SETBP1: variants seen among roughly 807,000 people sequenced by gnomAD.
The protein encoded by SETBP1 is SET-binding protein.
In SETBP1, 9 loss-of-function variants were observed where a neutral mutation model predicts 101.0. That is an observed-to-expected ratio of 0.09 (90% CI 0.05 to 0.16). The LOEUF (loss-of-function observed/expected upper bound fraction) is 0.16. Ranked by LOEUF, SETBP1 falls within the 10% of genes least tolerant of loss-of-function variation. The pLI is 1.00. For synonymous variants in SETBP1, 818 were observed against 788.5 expected, an observed-to-expected ratio of 1.04 and a Z score of -0.63; for missense variants, 1,858 against 2,033.8, an observed-to-expected ratio of 0.91 and a Z score of 1.66.
chr18:44,702,054 A>T (rs1435288778), intron 2 of SETBP1, among the ~76,000 whole-genome samples: 12 of 152,226 alleles, frequency 7.9e-5, no homozygotes, highest in Admixed American at 7.8e-4. Flanking sequence ...TGGTAGTATT[A>T]TCAGTTGATT....
intron 1 of SETBP1, among the ~76,000 whole-genome samples, chr18:44,682,225 C>G (rs539050438): frequency 1.3e-5 from 2 of 152,298 alleles, no homozygotes; most frequent in South Asian, 4.1e-4. Context: ...CCAAACTCAT[C>G]TTCACGTGCA....
chr18:44,888,472 C>T (rs2144770289), intron 3 of SETBP1, among the ~76,000 whole-genome samples: 1 of 152,146 alleles, frequency 6.6e-6, no homozygotes, highest in East Asian at 1.9e-4. Flanking sequence ...TTCCCTCAAG[C>T]CTTATGAATT....
intron 2 of SETBP1, among the ~76,000 whole-genome samples, chr18:44,868,055 T>C (rs1439016546): frequency 6.6e-6 from 1 of 152,242 alleles, no homozygotes; most frequent in East Asian, 1.9e-4. Flanking sequence ...TTTCCCAGCA[T>C]TTATTATAAG....
chr18:44,839,011 G>A (rs1211739305), intron 2 of SETBP1, among the ~76,000 whole-genome samples: 4 of 151,774 alleles, frequency 2.6e-5, no homozygotes, highest in Admixed American at 1.3e-4. Flanking sequence ...ACACTCAACT[G>A]TCGGTTTGAA....
At chr18:45,021,946 AC>A (rs2073079081) in intron 4 of SETBP1, among the ~76,000 whole-genome samples, 1 of 152,232 alleles carries the variant, frequency 6.6e-6, no homozygotes, top group African/African-American at 2.4e-5. Context: ...AGAAAAGGAA[AC>A]CAAGGGAAGG....
At chr18:44,913,660 A>G (rs568887640) in intron 3 of SETBP1, among the ~76,000 whole-genome samples, 1 of 152,346 alleles carries the variant, frequency 6.6e-6, no homozygotes, top group South Asian at 2.1e-4. Context: ...ACTGGCTACC[A>G]TTACCGGTCC....
chr18:44,986,943 T>TATAGTATA (rs1568011145), intron 4 of SETBP1: 118 of 60,434 alleles, frequency 2.0e-3, no homozygotes, highest in African/African-American at 5.6e-3. Flanking sequence ...AGTATAGTAT[T>TATAGTATA]GTATTGTATT....
chr18:44,769,241 G>A (rs957168601), intron 2 of SETBP1, among the ~76,000 whole-genome samples: 10 of 152,178 alleles, frequency 6.6e-5, no homozygotes, highest in Admixed American at 3.3e-4. Context: ...CCCTTTTTAC[G>A]TCTTGATGCC....
chr18:44,833,104 A>G (rs2072411507), intron 2 of SETBP1, among the ~76,000 whole-genome samples: 1 of 152,220 alleles, frequency 6.6e-6, no homozygotes. Context: ...CAGGCTGGGC[A>G]TGACGTAAGC....
intron 3 of SETBP1, among the ~76,000 whole-genome samples, chr18:44,891,002 A>G (rs2069756130): frequency 6.6e-6 from 1 of 152,200 alleles, no homozygotes; most frequent in Admixed American, 6.5e-5. Flanking sequence ...AAGACTGGGC[A>G]ATATACAAAA....
intron 3 of SETBP1, among the ~76,000 whole-genome samples, chr18:44,873,058 CA>C (rs374809155): frequency 3.5e-4 from 53 of 152,096 alleles, no homozygotes; most frequent in African/African-American, 1.2e-3. Context: ...CTACTATGGT[CA>C]AGGGCATGCT....
rs2073992728 is a variant in SETBP1 at position 45,068,124 on chromosome 18, T to A, written c.*4426T>A. The A allele has an allele frequency of 2.0e-5, 3 of 152,242 alleles. No homozygotes were observed. Among genetic ancestry groups the A allele is most frequent in the Admixed American group, 2.0e-4 (3 of 15,286 alleles). 9.4% of individuals were successfully genotyped at this position (152,242 alleles called of 1,614,324 possible). On this transcript the variant is annotated 3_prime_UTR_variant, in exon 6 of 6. Coordinates refer to ENST00000649279, the MANE Select transcript of SETBP1 (RefSeq NM_015559.3). ...TTAAAAGCCTTTTTTAAAGTGTAAT[T>A]TGCATGTTCTACTTTGATTGTATGT... is the stretch of plus-strand genomic sequence containing the variant.
intron 2 of SETBP1, among the ~76,000 whole-genome samples, chr18:44,720,754 G>T (rs2069568707): frequency 6.6e-6 from 1 of 152,190 alleles, no homozygotes; most frequent in Non-Finnish European, 1.5e-5. Context: ...TGAACACTGT[G>T]CAGAGGGCAA....
At chr18:44,864,993 T>A (rs552129028) in intron 2 of SETBP1, among the ~76,000 whole-genome samples, 1 of 152,000 alleles carries the variant, frequency 6.6e-6, no homozygotes, top group Admixed American at 6.6e-5. Flanking sequence ...AGGAGGGACA[T>A]GTGTACTTCC....
intron 2 of SETBP1, among the ~76,000 whole-genome samples, chr18:44,718,873 G>A (rs895976554): frequency 6.6e-6 from 1 of 152,150 alleles, no homozygotes; most frequent in Non-Finnish European, 1.5e-5. Context: ...CTAGGACAGA[G>A]GATGTCAGAG....
intron 2 of SETBP1, among the ~76,000 whole-genome samples, chr18:44,765,337 C>T (rs979099102): frequency 2.0e-5 from 3 of 151,640 alleles, no homozygotes; most frequent in Admixed American, 6.6e-5. Context: ...TTGTTTCTCT[C>T]TCTTTGGAAC....
intron 2 of SETBP1, among the ~76,000 whole-genome samples, chr18:44,760,571 G>A (rs929698793): frequency 4.6e-5 from 7 of 152,158 alleles, no homozygotes; most frequent in Admixed American, 4.6e-4. Flanking sequence ...CATTCTGGCT[G>A]ACACACCTCC....
Position 44,715,176 on chromosome 18 carries a change from C to T in SETBP1, c.486+13344C>T, listed in dbSNP as rs144442949. ...GAGAATAGTTGAGTCTCTTGAAACT[C>T]ACCTGGTTGTTTCTGCTGCTTGGCC... On this transcript the variant is annotated intron_variant, in intron 2 of 5. Coordinates refer to ENST00000649279, the MANE Select transcript of SETBP1 (RefSeq NM_015559.3). Among the ~76,000 whole-genome samples, 949 of 152,276 alleles carry T rather than the reference C, an allele frequency of 6.2e-3. 4 individuals are homozygous for T. Among genetic ancestry groups the T allele is most frequent in the South Asian group, 0.011 (55 of 4,814 alleles).
intron 1 of SETBP1, among the ~76,000 whole-genome samples, chr18:44,695,267 A>G (rs2068995845): frequency 6.6e-6 from 1 of 152,222 alleles, no homozygotes; most frequent in Non-Finnish European, 1.5e-5. Context: ...TTACCAAAGG[A>G]ATAATTGAAG....
Sources: gnomAD v4.1 joint callset for allele counts (sites outside exome capture counted in the v4.1 genomes callset) on GRCh38, gnomAD v4.1.1 for gene constraint, MANE v1.5 for transcripts, NCBI Gene and HGNC (gene_info 2026-07-23, HGNC 2026-07-21) for gene names.